KCNMB2: variants seen among roughly 807,000 people sequenced by gnomAD.
The protein encoded by KCNMB2 is calcium-activated potassium channel subunit beta-2.
A neutral mutation model predicts 24.5 loss-of-function variants in KCNMB2; 9 were observed. The ratio of observed to expected loss-of-function variants is 0.37; its 90% CI spans 0.22 to 0.64. The LOEUF (loss-of-function observed/expected upper bound fraction) is 0.64. Ranked by LOEUF, KCNMB2 falls within the 30% of genes least tolerant of loss-of-function variation. The pLI, the probability that KCNMB2 is intolerant of heterozygous loss-of-function variation, is 0.63. For missense variants in KCNMB2, 226 were observed against 284.3 expected, an observed-to-expected ratio of 0.79 and a Z score of 1.47; for synonymous variants, 109 against 104.4, an observed-to-expected ratio of 1.04 and a Z score of -0.27.
rs115749066 is a variant in KCNMB2, at chr3:178,738,814, T to C, written c.-67-68529T>C. Among the ~76,000 whole-genome samples, 1,335 of 152,272 alleles carry C rather than the reference T, an allele frequency of 8.8e-3. 20 individuals carry two copies. The highest frequency in any genetic ancestry group is 0.03 in the African/African-American group (1,251 of 41,542). ...CCCCTGAGGGCGGAAACTTTGTCTT[T>C]ACCAGCATCTATAGTTTGTAATAAC... On this transcript the variant is annotated intron_variant, in intron 1 of 4. Coordinates refer to ENST00000452583, the MANE Select transcript of KCNMB2 (RefSeq NM_181361.3).
chr3:178,780,737 T>A (rs1712797080), intron 1 of KCNMB2, among the ~76,000 whole-genome samples: 1 of 152,118 alleles, frequency 6.6e-6, no homozygotes, highest in Non-Finnish European at 1.5e-5. Context: ...TTACTTAACC[T>A]CCCTAAGCCT....
chr3:178,545,310 T>G (rs1715739931), intron 1 of KCNMB2, among the ~76,000 whole-genome samples: 1 of 152,224 alleles, frequency 6.6e-6, no homozygotes. Flanking sequence ...TCTGGGAATG[T>G]CACTGACATA....
At chr3:178,537,488 C>A (rs1169572456) in intron 1 of KCNMB2, 1 of 152,172 alleles carries the variant, frequency 6.6e-6, no homozygotes, top group Non-Finnish European at 1.5e-5. Flanking sequence ...AGCATAAAAA[C>A]ACAATTCTCC....
chr3:178,622,686 C>T (rs187057408), intron 1 of KCNMB2, among the ~76,000 whole-genome samples: 104 of 152,300 alleles, frequency 6.8e-4, no homozygotes, highest in African/African-American at 2.3e-3. Context: ...ACCTCTCTAC[C>T]TGCTGCTTCA....
At chr3:178,665,467 C>T (rs7427179) in intron 1 of KCNMB2, among the ~76,000 whole-genome samples, 39,454 of 151,984 alleles carry the variant, frequency 0.26, 5,737 homozygotes, top group African/African-American at 0.39. Flanking sequence ...GAAGTCCTTA[C>T]GTAACATTTT....
Position 178,703,470 on chromosome 3 carries a change from G to A in KCNMB2, c.-67-103873G>A, listed in dbSNP as rs191946937. The stretch of plus-strand genomic sequence containing the variant: ...CTCCTGCTGGTCATTTCAGTCAGGG[G>A]ATGATATGGAGACCCTGGTAAGTCC... On this transcript the variant is annotated intron_variant, in intron 1 of 4. Coordinates refer to ENST00000452583, the MANE Select transcript of KCNMB2 (RefSeq NM_181361.3). 1.2e-4 allele frequency among the ~76,000 whole-genome samples: 19 copies of A among 152,148 alleles called. No homozygotes were observed. In the East Asian group the frequency reaches 3.7e-3, roughly 29 times the overall value.
intron 1 of KCNMB2, among the ~76,000 whole-genome samples, chr3:178,587,903 C>T (rs1346776272): frequency 7.6e-6 from 1 of 131,780 alleles, no homozygotes; most frequent in Non-Finnish European, 1.6e-5. Context: ...CCCCACCCCA[C>T]AACAGGCCCC....
intron 4 of KCNMB2, among the ~76,000 whole-genome samples, chr3:178,837,021 T>C (rs1284864095): frequency 6.6e-6 from 1 of 152,184 alleles, no homozygotes; most frequent in Non-Finnish European, 1.5e-5. Context: ...AACATACTCA[T>C]GGCTATCATT....
chr3:178,563,148 G>T (rs952706143), intron 1 of KCNMB2, among the ~76,000 whole-genome samples: 10 of 152,108 alleles, frequency 6.6e-5, no homozygotes, highest in Non-Finnish European at 1.5e-4. Context: ...TGAGCCTGGT[G>T]GTTGCCTTCC....
intron 1 of KCNMB2, among the ~76,000 whole-genome samples, chr3:178,671,340 A>G (rs1176255626): frequency 1.3e-5 from 2 of 152,152 alleles, no homozygotes; most frequent in Non-Finnish European, 2.9e-5. Flanking sequence ...GGTTGACATA[A>G]GATGTTTTGA....
At chr3:178,715,919 C>T (rs1722604350) in intron 1 of KCNMB2, among the ~76,000 whole-genome samples, 1 of 152,144 alleles carries the variant, frequency 6.6e-6, no homozygotes, top group African/African-American at 2.4e-5. Context: ...CTGTAGTGGT[C>T]CAACAGCACT....
intron 1 of KCNMB2, among the ~76,000 whole-genome samples, chr3:178,566,217 G>C (rs1261168618): frequency 6.6e-6 from 1 of 152,016 alleles, no homozygotes; most frequent in Non-Finnish European, 1.5e-5. Flanking sequence ...AACTTTCTCA[G>C]GTATAATATT....
chr3:178,840,967 C>A (rs1715405829), intron 4 of KCNMB2, among the ~76,000 whole-genome samples: 1 of 152,228 alleles, frequency 6.6e-6, no homozygotes, highest in African/African-American at 2.4e-5. Context: ...TCAGGCTGCA[C>A]ATTTTCCAAA....
chr3:178,825,893 C>T lies in KCNMB2; in HGVS notation c.227+135C>T, dbSNP rs1714815301. 4.8e-6 allele frequency: 3 copies of T among 620,550 alleles called. No individual in the cohort carries two copies. In the East Asian group the frequency reaches 7.9e-5, roughly 16 times the overall value. The allele number at this position is 620,550 out of a possible 1,614,324, so 38.4% of individuals were successfully genotyped here. A position where few individuals can be genotyped will look rare whatever the true frequency, so the allele number is the denominator to read the frequency against. On this transcript the variant is annotated intron_variant, in intron 3 of 4. Transcript: ENST00000452583. Reference sequence around the variant, plus strand: ...TTTGAGAAGTTCCTGGTAAATAATACTTTTCAATAATGTTATCTAATAATA... The same window carrying T: ...TTTGAGAAGTTCCTGGTAAATAATATTTTTCAATAATGTTATCTAATAATA...
chr3:178,745,731 C>G (rs987247917), intron 1 of KCNMB2, among the ~76,000 whole-genome samples: 2 of 152,190 alleles, frequency 1.3e-5, no homozygotes, highest in African/African-American at 4.8e-5. Context: ...TACAGCCATC[C>G]CAAATGGGAG....
intron 4 of KCNMB2, among the ~76,000 whole-genome samples, chr3:178,835,443 G>A (rs553654105): frequency 3.3e-4 from 51 of 152,240 alleles, no homozygotes; most frequent in African/African-American, 1.1e-3. Context: ...TTACTTTCTC[G>A]ACTCACCTGT....
At chr3:178,565,762 A>G (rs761850662) in intron 1 of KCNMB2, among the ~76,000 whole-genome samples, 1 of 152,188 alleles carries the variant, frequency 6.6e-6, no homozygotes, top group African/African-American at 2.4e-5. Flanking sequence ...TTTCTCATAT[A>G]GTATCCTGCT....
intron 2 of KCNMB2, among the ~76,000 whole-genome samples, chr3:178,825,090 C>A (rs1714783624): frequency 6.6e-6 from 1 of 152,074 alleles, no homozygotes; most frequent in South Asian, 2.1e-4. Flanking sequence ...AAATGTTAAC[C>A]AAAATAACTT....
At chr3:178,740,310 CG>C (rs1205298388) in intron 1 of KCNMB2, among the ~76,000 whole-genome samples, 1 of 151,830 alleles carries the variant, frequency 6.6e-6, no homozygotes, top group African/African-American at 2.4e-5. Context: ...TGAGTAGAGA[CG>C]GAGTTTCACC....
Sources: gnomAD v4.1 joint callset for allele counts (sites outside exome capture counted in the v4.1 genomes callset) on GRCh38, gnomAD v4.1.1 for gene constraint, MANE v1.5 for transcripts, NCBI Gene and HGNC (gene_info 2026-07-23, HGNC 2026-07-21) for gene names.